Variants in RAI1 observed in about 807,000 individuals in gnomAD.
RAI1 encodes the protein retinoic acid-induced protein 1.
Under a neutral mutation model 123.8 loss-of-function variants are expected in RAI1, and 9 were observed. The ratio of observed to expected loss-of-function variants is 0.07; its 90% CI spans 0.04 to 0.13. The LOEUF is 0.13. Ranked by LOEUF, RAI1 falls within the 10% of genes least tolerant of loss-of-function variation. The probability of loss-of-function intolerance (pLI) is 1.00; values close to 1 mark genes in which losing one functional copy is unlikely to be tolerated. For synonymous variants in RAI1, 1,231 were observed against 1,127.3 expected, an observed-to-expected ratio of 1.09 and a Z score of -1.84; for missense variants, 2,256 against 2,545.8, an observed-to-expected ratio of 0.89 and a Z score of 2.45.
At chr17:17,715,656 C>G (rs1915687807) in intron 1 of RAI1, among the ~76,000 whole-genome samples, 1 of 152,172 alleles carries the variant, frequency 6.6e-6, no homozygotes, top group African/African-American at 2.4e-5. Context: ...AAGTGTCCCT[C>G]CCGCTCCTGA....
chr17:17,684,547 A>G (rs977475014), intron 1 of RAI1: 2 of 151,930 alleles, frequency 1.3e-5, no homozygotes, highest in Non-Finnish European at 2.9e-5. Flanking sequence ...TACTTGGGTG[A>G]AAAATGCAAA....
intron 4 of RAI1, among the ~76,000 whole-genome samples, chr17:17,808,573 G>A (rs190218672): frequency 7.7e-4 from 117 of 151,846 alleles, no homozygotes; most frequent in Admixed American, 5.5e-3. Context: ...CCAGCCTCTC[G>A]AGTAGCTGGG....
intron 2 of RAI1, among the ~76,000 whole-genome samples, chr17:17,786,268 T>A (rs1375690485): frequency 6.6e-6 from 1 of 152,220 alleles, no homozygotes; most frequent in African/African-American, 2.4e-5. Context: ...CCCACCCACA[T>A]GTGCTCTGTG....
intron 1 of RAI1, among the ~76,000 whole-genome samples, chr17:17,716,535 CGT>C (rs957065626): frequency 6.6e-6 from 1 of 152,020 alleles, no homozygotes; most frequent in African/African-American, 2.4e-5. Context: ...GGGTTCTGTA[CGT>C]GTGTGTGTAC....
At chr17:17,783,359 C>A (rs909110252) in intron 2 of RAI1, among the ~76,000 whole-genome samples, 7 of 151,892 alleles carry the variant, frequency 4.6e-5, no homozygotes, top group Non-Finnish European at 8.8e-5. Flanking sequence ...GAGGCGGCGG[C>A]GCGGCGTCTT....
intron 4 of RAI1, among the ~76,000 whole-genome samples, chr17:17,804,266 A>G (rs1401516033): frequency 3.9e-5 from 6 of 152,182 alleles, no homozygotes; most frequent in Admixed American, 2.6e-4. Context: ...GCAAAAACCA[A>G]CTGAGTTGGG....
At chr17:17,691,565 C>A (rs939118609) in intron 1 of RAI1, among the ~76,000 whole-genome samples, 1 of 152,216 alleles carries the variant, frequency 6.6e-6, no homozygotes, top group Admixed American at 6.5e-5. Context: ...GAGGGCACAG[C>A]CCAGGCAAAG....
At chr17:17,746,906 A>C (rs1387977161) in intron 2 of RAI1, among the ~76,000 whole-genome samples, 1 of 152,130 alleles carries the variant, frequency 6.6e-6, no homozygotes, top group Non-Finnish European at 1.5e-5. Context: ...AAGTGCTGGG[A>C]TTACAGGCAT....
chr17:17,693,955 C>T (rs999850578), intron 1 of RAI1, among the ~76,000 whole-genome samples: 2 of 152,194 alleles, frequency 1.3e-5, no homozygotes, highest in Admixed American at 1.3e-4. Flanking sequence ...CTTAACAGAT[C>T]TGGGCTTGTT....
chr17:17,749,399 C>T (rs1318188804), intron 2 of RAI1, among the ~76,000 whole-genome samples: 3 of 152,270 alleles, frequency 2.0e-5, no homozygotes, highest in Non-Finnish European at 4.4e-5. Context: ...AGGCATCAGG[C>T]GGAGGTCTTT....
intron 2 of RAI1, among the ~76,000 whole-genome samples, chr17:17,760,642 C>G (rs901891116): frequency 6.6e-6 from 1 of 152,256 alleles, no homozygotes; most frequent in African/African-American, 2.4e-5. Flanking sequence ...GCTGGAGCTG[C>G]TGTGGGGCCT....
intron 3 of RAI1, chr17:17,802,169 A>G (rs1751864086): frequency 6.4e-6 from 3 of 470,894 alleles, no homozygotes; most frequent in Non-Finnish European, 8.8e-6. Context: ...CAGCTGGTCC[A>G]GGTGTGGGGC....
Position 17,798,577 on chromosome 17 carries a change from C to A in RAI1, c.5565+64C>A. ...TCCAAAGGACAGGCAGGCAGGCAGT[C>A]GGGGAGCCCCTTGTTTCTAGTGCTA... On this transcript the variant is annotated intron_variant, in intron 3 of 5. Coordinates refer to ENST00000353383, the MANE Select transcript of RAI1 (RefSeq NM_030665.4). The A allele has an allele frequency of 2.5e-6, 4 of 1,584,034 alleles. No individual in the cohort carries two copies. In the South Asian group the frequency reaches 4.5e-5, roughly 18 times the overall value.
At chr17:17,758,058 G>A (rs1245654295) in intron 2 of RAI1, among the ~76,000 whole-genome samples, 2 of 152,158 alleles carry the variant, frequency 1.3e-5, no homozygotes, top group Non-Finnish European at 2.9e-5. Flanking sequence ...TAAATCAAAC[G>A]GCTTAGAACG....
chr17:17,795,311 C>T lies in RAI1; in HGVS notation c.2363C>T (p.Ser788Leu), dbSNP rs761594217. ...GISKGDTHEA[S>L]ACLGFQEEDP... ...AGCAAAGGGGACACCCATGAGGCTT[C>T]GGCCTGCCTGGGCTTCCAGGAGGAG... The change falls in exon 3 of 6, where the codon TCG (serine) becomes TTG (leucine). Residue 788 changes from serine to leucine, a missense_variant. By Grantham distance (145) the Ser-to-Leu change is moderately radical. Coordinates refer to ENST00000353383, the MANE Select transcript of RAI1 (RefSeq NM_030665.4). The surrounding 1 kb of genome is among the most constrained non-coding windows in gnomAD (Gnocchi z 5.9). 6.2e-6 allele frequency: 10 copies of T among 1,606,550 alleles called. No individual in the cohort carries two copies. Among genetic ancestry groups the T allele is most frequent in the African/African-American group, 1.3e-5 (1 of 74,746 alleles).
chr17:17,711,531 G>T (rs1210736470), intron 1 of RAI1, among the ~76,000 whole-genome samples: 1 of 152,216 alleles, frequency 6.6e-6, no homozygotes, highest in Non-Finnish European at 1.5e-5. Flanking sequence ...GATGGAGCTG[G>T]AGGGAAGTGG....
At chr17:17,781,951 G>A (rs921061950) in intron 2 of RAI1, among the ~76,000 whole-genome samples, 5 of 152,302 alleles carry the variant, frequency 3.3e-5, no homozygotes, top group Middle Eastern at 3.4e-3. Context: ...TCGGGGCCCC[G>A]GGCCGGCCGC....
Position 17,795,059 on chromosome 17 carries a change from G to A in RAI1, c.2111G>A (p.Gly704Asp). 1 of 1,614,130 alleles carries A rather than the reference G, an allele frequency of 6.2e-7. No individual in the cohort carries two copies. The highest frequency in any genetic ancestry group is 1.1e-5 in the South Asian group (1 of 91,084). ...FATPDPKKTTGPLSFGTKPTL... is the reference protein window; with the variant it reads ...FATPDPKKTTDPLSFGTKPTL... ...ACGCCTGACCCCAAAAAGACAACTGGTCCTCTCTCCTTTGGTACCAAGCCC... is the reference window on the plus strand; with the variant it reads ...ACGCCTGACCCCAAAAAGACAACTGATCCTCTCTCCTTTGGTACCAAGCCC... The change falls in exon 3 of 6, where the codon GGT (glycine) becomes GAT (aspartate). Residue 704 changes from glycine to aspartate, a missense_variant. Gly to Asp is a moderately conservative substitution (Grantham distance 94). Transcript: ENST00000353383. The surrounding 1 kb of genome is among the most constrained non-coding windows in gnomAD (Gnocchi z 5.9).
chr17:17,723,773 C>G (rs1466430123), intron 1 of RAI1, among the ~76,000 whole-genome samples: 1 of 150,052 alleles, frequency 6.7e-6, no homozygotes, highest in Non-Finnish European at 1.5e-5. Context: ...CGCCCCTCCC[C>G]GCGCGCGCCC....
Sources: allele counts gnomAD v4.1 joint callset (sites outside exome capture counted in the v4.1 genomes callset), GRCh38; gene constraint gnomAD v4.1.1; non-coding constraint Gnocchi (gnomAD v3.1); transcripts MANE v1.5; gene names NCBI Gene and HGNC (gene_info 2026-07-23, HGNC 2026-07-21).